NHS: variants seen among roughly 807,000 people sequenced by gnomAD.
NHS encodes the protein NHS actin remodeling regulator, also known as actin remodeling regulator NHS.
NHS carries 5 observed loss-of-function variants against 72.5 expected under a neutral mutation model. That is an observed-to-expected ratio of 0.07 (90% CI 0.04 to 0.14). The LOEUF (loss-of-function observed/expected upper bound fraction) is 0.14. NHS is among the 10% of genes least tolerant of loss of function. The pLI, the probability that NHS is intolerant of heterozygous loss-of-function variation, is 1.00. For missense variants in NHS, 1,072 were observed against 1,355.7 expected, an observed-to-expected ratio of 0.79 and a Z score of 3.29; for synonymous variants, 464 against 547.7, an observed-to-expected ratio of 0.85 and a Z score of 2.13.
chrX:17,692,233 C>CTTTTT, intron 2 of NHS, 102 bp from the exon 3 acceptor site: 1 of 892,803 alleles, frequency 1.1e-6, no homozygotes, highest in Non-Finnish European at 1.6e-6. Flanking sequence ...TGAAAACTCA[C>CTTTTT]TTTTTTTTTT....
At chrX:17,706,767 A>T (rs965235851) in intron 3 of NHS, among the ~76,000 whole-genome samples, 1 of 111,999 alleles carries the variant, frequency 8.9e-6, no homozygotes, top group African/African-American at 3.2e-5. Flanking sequence ...CCCATTTCAG[A>T]CTATGGAGTC....
chrX:17,544,346 A>G (rs1424946583), intron 1 of NHS, among the ~76,000 whole-genome samples: 1 of 111,964 alleles, frequency 8.9e-6, no homozygotes, highest in Non-Finnish European at 1.9e-5. Context: ...CCATGTAAAA[A>G]ATATAAGCCA....
At chrX:17,725,061 T>A (rs1487413685) in intron 6 of NHS, among the ~76,000 whole-genome samples, 1 of 111,348 alleles carries the variant, frequency 9.0e-6, no homozygotes, top group Non-Finnish European at 1.9e-5. Context: ...TTAAAAGTAG[T>A]CACTTATTGT....
At chrX:17,703,533 C>A (rs963374473) in intron 3 of NHS, among the ~76,000 whole-genome samples, 1 of 111,972 alleles carries the variant, frequency 8.9e-6, no homozygotes, top group Non-Finnish European at 1.9e-5. Context: ...TATCATTCCA[C>A]CTCAGATTGG....
chrX:17,580,488 G>C (rs1037849995), intron 1 of NHS, among the ~76,000 whole-genome samples: 1 of 112,382 alleles, frequency 8.9e-6, no homozygotes, highest in Non-Finnish European at 1.9e-5. Flanking sequence ...AGATAAAGTA[G>C]ATAGTATGTT....
chrX:17,560,037 C>T (rs1445310815), intron 1 of NHS, among the ~76,000 whole-genome samples: 4 of 111,938 alleles, frequency 3.6e-5, no homozygotes, highest in Non-Finnish European at 7.5e-5. Flanking sequence ...AAAAACAGAC[C>T]GTTTAACAGT....
At chrX:17,678,631 C>T (rs780261563) in intron 1 of NHS, among the ~76,000 whole-genome samples, 23 of 110,753 alleles carry the variant, frequency 2.1e-4, no homozygotes, top group Non-Finnish European at 4.0e-4. Context: ...TGAGAAACCA[C>T]CCCTGTGATC....
chrX:17,497,077 C>T lies in NHS; in HGVS notation c.565+120755C>T, dbSNP rs375289237. Reference sequence around the variant, plus strand: ...GAGATAAAAGGGAAACCCTACACCTCATTCAGGGTTGGGTGCACAATAGGT... The same window carrying T: ...GAGATAAAAGGGAAACCCTACACCTTATTCAGGGTTGGGTGCACAATAGGT... On this transcript the variant is annotated intron_variant, in intron 1 of 8. Transcript: ENST00000676302. Among the ~76,000 whole-genome samples the T allele has an allele frequency of 1.7e-3, 186 of 112,282 alleles. 1 individual carries two copies. Among genetic ancestry groups the T allele is most frequent in the South Asian group, 0.011 (29 of 2,702 alleles).
chrX:17,676,492 A>C (rs1486455999), intron 1 of NHS, among the ~76,000 whole-genome samples: 1 of 112,922 alleles, frequency 8.9e-6, no homozygotes, highest in Non-Finnish European at 1.9e-5. Context: ...TAATGGAAAC[A>C]GATTTGTGTC....
intron 1 of NHS, among the ~76,000 whole-genome samples, chrX:17,433,155 G>A (rs1030185912): frequency 5.7e-5 from 6 of 104,577 alleles, no homozygotes; most frequent in South Asian, 4.5e-4. Context: ...TCAGCCTCCC[G>A]AGTAGCTGGG....
chrX:17,693,708 A>G (rs1364943792), intron 3 of NHS, among the ~76,000 whole-genome samples: 2 of 112,831 alleles, frequency 1.8e-5, no homozygotes, highest in Non-Finnish European at 3.7e-5. Flanking sequence ...CAGGTCCTTC[A>G]GTGCTCATCA....
chrX:17,623,451 C>T (rs758605738), intron 1 of NHS, among the ~76,000 whole-genome samples: 1 of 111,372 alleles, frequency 9.0e-6, no homozygotes, highest in South Asian at 3.9e-4. Flanking sequence ...TCTTTCTCCT[C>T]CTTTCATTTG....
chrX:17,713,747 A>G (rs2066348623), intron 3 of NHS, among the ~76,000 whole-genome samples: 1 of 112,127 alleles, frequency 8.9e-6, no homozygotes, highest in African/African-American at 3.2e-5. Flanking sequence ...GTGCTTGTTC[A>G]TAGCCACGAA....
intron 1 of NHS, among the ~76,000 whole-genome samples, chrX:17,484,719 C>T (rs73189139): frequency 0.045 from 2,239 of 50,035 alleles, 24 homozygotes; most frequent in Non-Finnish European, 0.074. Context: ...ATGATTAGGG[C>T]AGGTGGATGG....
chrX:17,708,210 A>G (rs1328527618), intron 3 of NHS, among the ~76,000 whole-genome samples: 1 of 111,595 alleles, frequency 9.0e-6, no homozygotes, highest in African/African-American at 3.3e-5. Context: ...GTGATCCCAA[A>G]CCTTCAGCTC....
chrX:17,706,071 G>A (rs1378951152), intron 3 of NHS, among the ~76,000 whole-genome samples: 1 of 110,698 alleles, frequency 9.0e-6, no homozygotes, highest in African/African-American at 3.3e-5. Context: ...GCATGCCTGC[G>A]GTCCCACCTA....
chrX:17,509,765 C>T (rs932024860), intron 1 of NHS, among the ~76,000 whole-genome samples: 2 of 111,746 alleles, frequency 1.8e-5, no homozygotes, highest in Non-Finnish European at 3.8e-5. Context: ...CTTGTTGCCT[C>T]TCCACTTAGC....
chrX:17,415,891 A>C (rs933554056), intron 1 of NHS, among the ~76,000 whole-genome samples: 9 of 111,659 alleles, frequency 8.1e-5, no homozygotes, highest in African/African-American at 2.9e-4. Flanking sequence ...TGCCATTTGC[A>C]TGGGCTCGCT....
chrX:17,705,969 G>A (rs1415497611), intron 3 of NHS, among the ~76,000 whole-genome samples: 1 of 111,537 alleles, frequency 9.0e-6, no homozygotes. Context: ...TGGGAAGATT[G>A]GCTGAGCTCA....
Sources: gnomAD v4.1 joint callset for allele counts (sites outside exome capture counted in the v4.1 genomes callset) on GRCh38, gnomAD v4.1.1 for gene constraint, MANE v1.5 for transcripts, NCBI Gene and HGNC (gene_info 2026-07-23, HGNC 2026-07-21) for gene names.